The following PIP4K2B variants were observed in gnomAD, a reference collection of about 807,000 sequenced individuals.
PIP4K2B encodes phosphatidylinositol 5-phosphate 4-kinase type-2 beta.
A neutral mutation model predicts 42.0 loss-of-function variants in PIP4K2B; 3 were observed. The observed-to-expected ratio is 0.07, with a 90% CI of 0.03 to 0.18. The LOEUF is 0.18. PIP4K2B is among the 10% of genes least tolerant of loss of function. The pLI, the probability that PIP4K2B is intolerant of heterozygous loss-of-function variation, is 1.00. For missense variants in PIP4K2B, 332 were observed against 562.3 expected (o/e 0.59, Z 4.14); for synonymous variants, 204 against 210.1 (o/e 0.97, Z 0.25).
rs1338351347 is a variant in PIP4K2B, at chr17:38,766,127, T to C, written c.*3564A>G. On this transcript the variant is annotated 3_prime_UTR_variant, in exon 10 of 10. Transcript: ENST00000619039. ...GTCTCCTTTTCCCCATGGGGCACTCTTCATAAGTGGCACATTCTAGAGGAG... is the reference window on the plus strand; with the variant it reads ...GTCTCCTTTTCCCCATGGGGCACTCCTCATAAGTGGCACATTCTAGAGGAG... The C allele has an allele frequency of 6.6e-6, 1 of 152,308 alleles. No individual in the cohort carries two copies. The highest frequency in any genetic ancestry group is 6.5e-5 in the Admixed American group (1 of 15,282). The allele number at this position is 152,308 out of a possible 1,614,324, so 9.4% of individuals were successfully genotyped here. A position where few individuals can be genotyped will look rare whatever the true frequency, so the allele number is the denominator to read the frequency against.
intron 5 of PIP4K2B, 25 bp downstream of exon 5, chr17:38,779,358 C>T (rs1909558152): frequency 2.5e-6 from 4 of 1,589,780 alleles, no homozygotes; most frequent in Non-Finnish European, 3.4e-6. Context: ...GGAGGCACAG[C>T]TCCGGCAAAC....
At chr17:38,779,299 C>T in intron 5 of PIP4K2B, 84 bp downstream of exon 5, 1 of 1,351,646 alleles carries the variant, frequency 7.4e-7, no homozygotes, top group Non-Finnish European at 1.0e-6. Flanking sequence ...TCCAGCTTCC[C>T]AATTACATGG....
At chr17:38,776,056 C>G (rs754779672) in intron 7 of PIP4K2B, 1 of 449,942 alleles carries the variant, frequency 2.2e-6, no homozygotes, top group Non-Finnish European at 4.5e-6. Flanking sequence ...CCGCAACCTC[C>G]GCCTCCTGGG....
intron 7 of PIP4K2B, chr17:38,776,563 T>G (rs1207922922): frequency 2.5e-6 from 1 of 401,228 alleles, no homozygotes; most frequent in South Asian, 1.8e-5. Context: ...GAGGCGGAGG[T>G]TGCAGTGAGC....
intron 1 of PIP4K2B, among the ~76,000 whole-genome samples, chr17:38,787,760 ATTTT>A (rs1175015354): frequency 6.6e-6 from 1 of 151,162 alleles, no homozygotes; most frequent in Non-Finnish European, 1.5e-5. Context: ...TGTCCAGCTA[ATTTT>A]TTTTTGTATT....
At chr17:38,798,811 A>G (rs1452186952) in intron 1 of PIP4K2B, among the ~76,000 whole-genome samples, 1 of 152,232 alleles carries the variant, frequency 6.6e-6, no homozygotes, top group African/African-American at 2.4e-5. Context: ...AGCAGCCACA[A>G]CAACCAAACG....
intron 3 of PIP4K2B, among the ~76,000 whole-genome samples, chr17:38,782,178 G>A (rs962306479): frequency 1.3e-5 from 2 of 152,150 alleles, no homozygotes; most frequent in Non-Finnish European, 2.9e-5. Flanking sequence ...GTGACTGAGC[G>A]CCTCTTCCTC....
In PIP4K2B at chr17:38,784,373, G is replaced by A. The variant is rs146589567; in HGVS notation, c.258-34C>T. ...AAGCAGAGATATGTCTTTGTGAACT[G>A]CCCCTTGCTCATCTTAATTCTATTA... On this transcript the variant is annotated intron_variant, in intron 2 of 9. Transcript: ENST00000619039. The A allele has an allele frequency of 6.8e-5, 77 of 1,133,070 alleles. 4 individuals are homozygous for A. In the African/African-American group the frequency reaches 7.2e-4, roughly 11 times the overall value. 70.2% of individuals were successfully genotyped at this position (1,133,070 alleles called of 1,614,324 possible). A position where few individuals can be genotyped will look rare whatever the true frequency, so the allele number is the denominator to read the frequency against.
chr17:38,799,493 G>T lies in PIP4K2B; in HGVS notation c.-69C>A. The T allele has an allele frequency of 6.8e-7, 1 of 1,465,474 alleles. No individual in the cohort carries two copies. Among genetic ancestry groups the T allele is most frequent in the Non-Finnish European group, 8.9e-7 (1 of 1,118,010 alleles). The allele number at this position is 1,465,474 out of a possible 1,614,324, so 90.8% of individuals were successfully genotyped here. A position where few individuals can be genotyped will look rare whatever the true frequency, so the allele number is the denominator to read the frequency against. Reference sequence around the variant, plus strand: ...GACAGCGCACAAGCCAGCGGCCTCAGGCCTCCCCCGGACCGATCCCCACCC... The same window carrying T: ...GACAGCGCACAAGCCAGCGGCCTCATGCCTCCCCCGGACCGATCCCCACCC... On this transcript the variant is annotated 5_prime_UTR_variant, in exon 1 of 10. The change creates a new upstream start codon in the 5' untranslated region. Transcript: ENST00000619039. The surrounding 1 kb of genome is among the most constrained non-coding windows in gnomAD (Gnocchi z 4.4).
Position 38,777,744 on chromosome 17 carries a change from C to T in PIP4K2B, c.750G>A (p.Leu250=), listed in dbSNP as rs115485971. The T allele has an allele frequency of 2.5e-5, 40 of 1,614,126 alleles. No homozygotes were observed. The African/African-American group carries it at 4.0e-4, about 16-fold the overall frequency. ...TCTTTTTACTCTCCTCTCCCACATG[C>T]AGCTTCTGCCCTTCATTGAGGAAGT... ...DNDFLNEGQK[L]HVGEESKKNF... is the part of the protein sequence containing the mutation. The change falls in exon 7 of 10, where the codon CTG becomes CTA. Residue 250 remains leucine, a synonymous_variant. Coordinates refer to ENST00000619039, the MANE Select transcript of PIP4K2B (RefSeq NM_003559.5).
chr17:38,797,648 T>C (rs895246112), intron 1 of PIP4K2B, among the ~76,000 whole-genome samples: 1 of 152,224 alleles, frequency 6.6e-6, no homozygotes, highest in African/African-American at 2.4e-5. Flanking sequence ...CTCTCAGGCC[T>C]CTACCAGTTC....
intron 1 of PIP4K2B, among the ~76,000 whole-genome samples, chr17:38,796,163 CAAT>C (rs1910652000): frequency 1.3e-5 from 2 of 152,064 alleles, no homozygotes; most frequent in Non-Finnish European, 1.5e-5. Flanking sequence ...AACAAAATCA[CAAT>C]GAGATACGAA....
chr17:38,778,860 G>A (rs926925728), intron 5 of PIP4K2B, among the ~76,000 whole-genome samples: 5 of 152,184 alleles, frequency 3.3e-5, no homozygotes, highest in African/African-American at 1.2e-4. Flanking sequence ...GAGAGAGAAG[G>A]AGACTATTCC....
chr17:38,796,412 C>G (rs1451910684), intron 1 of PIP4K2B, among the ~76,000 whole-genome samples: 2 of 152,142 alleles, frequency 1.3e-5, no homozygotes, highest in Admixed American at 1.3e-4. Context: ...AAATGGCCAA[C>G]AAGTATCAAG....
In PIP4K2B at chr17:38,779,409, T is replaced by G; in HGVS notation, c.628A>C (p.Thr210Pro). The change falls in exon 5 of 10, where the codon ACT (threonine) becomes CCT (proline). Residue 210 changes from threonine (T) to proline (P), a missense_variant. Thr to Pro is a conservative substitution (Grantham distance 38). Transcript: ENST00000619039. Reference sequence around the variant, plus strand: ...TTGAGGTCATACTTGCGATGCACAGTGAGCCGATGGCTGAACACGTTCCTG... The same window carrying G: ...TTGAGGTCATACTTGCGATGCACAGGGAGCCGATGGCTGAACACGTTCCTG... ...VTRNVFSHRLTVHRKYDLKGS... is the reference protein window; with the variant it reads ...VTRNVFSHRLPVHRKYDLKGS... The G allele has an allele frequency of 6.2e-7, 1 of 1,612,812 alleles. No homozygotes were observed. Among genetic ancestry groups the G allele is most frequent in the Non-Finnish European group, 8.5e-7 (1 of 1,179,648 alleles).
chr17:38,777,646 C>G (rs1313874443), intron 7 of PIP4K2B, 41 bp downstream of exon 7: 5 of 1,290,278 alleles, frequency 3.9e-6, no homozygotes, highest in Admixed American at 1.7e-5. Flanking sequence ...ACTCTAGGTA[C>G]AGAAGGAGCC....
At chr17:38,778,203 G>A (rs376957693) in intron 6 of PIP4K2B, 131 bp downstream of exon 6, 52 of 834,060 alleles carry the variant, frequency 6.2e-5, no homozygotes, top group African/African-American at 2.2e-4. Context: ...CATGACACAC[G>A]GCATTTCATG....
Position 38,786,849 on chromosome 17 carries a change from G to A in PIP4K2B, c.231C>T (p.Ile77=). 1 of 1,610,884 alleles carries A rather than the reference G, an allele frequency of 6.2e-7. No individual in the cohort carries two copies. The highest frequency in any genetic ancestry group is 8.5e-7 in the Non-Finnish European group (1 of 1,177,042). Reference sequence around the variant, plus strand: ...TATTGAAGAGATGATTGTCCACCTTGATCTTGCTGTAGGCTTTGAAGTCAT... The same window carrying A: ...TATTGAAGAGATGATTGTCCACCTTAATCTTGCTGTAGGCTTTGAAGTCAT... ...MPDDFKAYSK[I]KVDNHLFNKE... Residue 77 remains isoleucine, a synonymous_variant, in exon 2 of 10, where the codon ATC becomes ATT. Coordinates refer to ENST00000619039, the MANE Select transcript of PIP4K2B (RefSeq NM_003559.5).
intron 3 of PIP4K2B, among the ~76,000 whole-genome samples, chr17:38,783,227 T>C (rs1279682249): frequency 6.9e-6 from 1 of 144,012 alleles, no homozygotes; most frequent in Admixed American, 7.0e-5. Context: ...AAGTCAGCTA[T>C]ATTTCTTACA....
Sources: allele counts gnomAD v4.1 joint callset (sites outside exome capture counted in the v4.1 genomes callset), GRCh38; gene constraint gnomAD v4.1.1; non-coding constraint Gnocchi (gnomAD v3.1); transcripts MANE v1.5; gene names NCBI Gene and HGNC (gene_info 2026-07-23, HGNC 2026-07-21).